BOP1: variants seen among roughly 807,000 people sequenced by gnomAD.
The protein encoded by BOP1 is ribosome biogenesis protein BOP1.
Under a neutral mutation model 82.9 loss-of-function variants are expected in BOP1, and 54 were observed. The observed-to-expected ratio is 0.65, with a 90% CI of 0.52 to 0.82. The LOEUF (loss-of-function observed/expected upper bound fraction) is 0.82. BOP1 is among the 40% of genes least tolerant of loss of function. The pLI is 0.00. For synonymous variants in BOP1, 566 were observed against 451.1 expected (o/e 1.25, Z -3.23); for missense variants, 1,170 against 1,072.0 (o/e 1.09, Z -1.28).
At chr8:144,275,860 G>A (rs56304037) in intron 3 of BOP1, among the ~76,000 whole-genome samples, 81,964 of 131,666 alleles carry the variant, frequency 0.62, 23,324 homozygotes, top group Non-Finnish European at 0.65. Flanking sequence ...CCCCCACCCC[G>A]ACCATGACCC....
rs1416843749 is a variant in BOP1 at position 144,264,879 on chromosome 8, C to T, written c.545+38G>A. The T allele has an allele frequency of 3.1e-6, 5 of 1,605,238 alleles. No individual in the cohort carries two copies. The African/African-American group carries it at 4.0e-5, about 13-fold the overall frequency. On this transcript the variant is annotated intron_variant, in intron 4 of 15. Coordinates refer to ENST00000569669, the MANE Select transcript of BOP1 (RefSeq NM_015201.5). Reference sequence around the variant, plus strand: ...CGCCAGCCCTGCCCCACCCCTCGGGCCCACCCCGGCTGCTGGCCCCACCCC... The same window carrying T: ...CGCCAGCCCTGCCCCACCCCTCGGGTCCACCCCGGCTGCTGGCCCCACCCC...
Position 144,262,840 on chromosome 8 carries a change from C to T in BOP1, c.1894+13G>A. On this transcript the variant is annotated intron_variant, in intron 13 of 15. Transcript: ENST00000569669. ...ACCCCTCACCTGCAGGGTGCACCGC[C>T]CCCACCCCTCACCTGCAGGGTGCAC... The T allele has an allele frequency of 3.9e-6, 4 of 1,032,198 alleles. No individual in the cohort carries two copies. In the South Asian group the frequency reaches 5.9e-5, roughly 15 times the overall value. 63.9% of individuals were successfully genotyped at this position (1,032,198 alleles called of 1,614,324 possible).
chr8:144,269,817 C>G (rs1470098235), intron 3 of BOP1, among the ~76,000 whole-genome samples: 1 of 152,186 alleles, frequency 6.6e-6, no homozygotes, highest in Non-Finnish European at 1.5e-5. Context: ...TTTCCTCACA[C>G]CCCCGCCCCG....
At chr8:144,286,917 G>A (rs1814895028) in intron 2 of BOP1, among the ~76,000 whole-genome samples, 1 of 152,262 alleles carries the variant, frequency 6.6e-6, no homozygotes, top group Non-Finnish European at 1.5e-5. Context: ...CCAGGGGCCA[G>A]GAGACAAGCA....
chr8:144,268,810 C>CTGTA (rs1554837487), intron 3 of BOP1, among the ~76,000 whole-genome samples: 5,425 of 152,182 alleles, frequency 0.036, 93 homozygotes, highest in Middle Eastern at 0.068. Context: ...GACAGGGAGG[C>CTGTA]AGCGGCAGGG....
intron 2 of BOP1, among the ~76,000 whole-genome samples, chr8:144,284,234 A>G (rs4265220): frequency 0.69 from 105,401 of 152,070 alleles, 37,145 homozygotes; most frequent in African/African-American, 0.81. Flanking sequence ...GGAAGTTGAG[A>G]TTTTGGTGAG....
intron 3 of BOP1, among the ~76,000 whole-genome samples, chr8:144,274,959 C>G (rs1018120010): frequency 6.6e-5 from 10 of 152,230 alleles, no homozygotes; most frequent in Admixed American, 2.6e-4. Context: ...GTGGCCCCCC[C>G]GCTCTGAGTG....
chr8:144,267,324 G>T, intron 3 of BOP1: 1 of 1,028,128 alleles, frequency 9.7e-7, no homozygotes. Flanking sequence ...CCTGCCGGGG[G>T]CTGGGGCCTT....
intron 3 of BOP1, among the ~76,000 whole-genome samples, chr8:144,269,849 C>T (rs887553630): frequency 6.6e-6 from 1 of 152,180 alleles, no homozygotes; most frequent in Non-Finnish European, 1.5e-5. Context: ...GGCACCAAGG[C>T]GCTGGTGAGT....
chr8:144,284,350 C>A (rs1183126586), intron 2 of BOP1, among the ~76,000 whole-genome samples: 1 of 152,144 alleles, frequency 6.6e-6, no homozygotes, highest in Non-Finnish European at 1.5e-5. Flanking sequence ...GGAATTTTCC[C>A]CAAGAATGGT....
intron 2 of BOP1, among the ~76,000 whole-genome samples, chr8:144,284,894 C>A (rs1408667512): frequency 6.6e-6 from 1 of 152,218 alleles, no homozygotes; most frequent in Admixed American, 6.5e-5. Flanking sequence ...CTGGGTCCAC[C>A]CAGGCAGGTC....
chr8:144,270,088 T>C (rs758554198), intron 3 of BOP1, among the ~76,000 whole-genome samples: 2,015 of 152,198 alleles, frequency 0.013, 48 homozygotes, highest in African/African-American at 0.043. Flanking sequence ...CCGGTCAACG[T>C]TGGGGACAAA....
In BOP1 at chr8:144,288,855, G is replaced by C. The variant is rs1458793584; in HGVS notation, c.309+240C>G. ...ACCTGTTGCCAGGAGGGTTGCCCGA[G>C]CATCGTCTGACGGGGAAGGGCCTAG... On this transcript the variant is annotated intron_variant, in intron 2 of 15. Coordinates refer to ENST00000569669, the MANE Select transcript of BOP1 (RefSeq NM_015201.5). Among the ~76,000 whole-genome samples, 4 of 152,230 alleles carry C rather than the reference G, an allele frequency of 2.6e-5. No individual in the cohort carries two copies. The East Asian group carries it at 7.7e-4, about 29-fold the overall frequency.
At position 144,264,911 on chromosome 8, in the gene BOP1, C is replaced by T. The variant is rs1564595284; in HGVS notation, c.545+6G>A. On this transcript the variant is annotated splice_donor_region_variant and intron_variant, in intron 4 of 15. Coordinates refer to ENST00000569669, the MANE Select transcript of BOP1 (RefSeq NM_015201.5). ...CGGCTGCTGGCCCCACCCCACCAGC[C>T]CTCACCAGTAGTCAGGATCGTCCAT... The T allele has an allele frequency of 1.9e-6, 3 of 1,611,448 alleles. No individual in the cohort carries two copies. The highest frequency in any genetic ancestry group is 2.2e-5 in the East Asian group (1 of 44,870).
chr8:144,279,814 G>C (rs1845641129), intron 2 of BOP1, among the ~76,000 whole-genome samples: 1 of 152,172 alleles, frequency 6.6e-6, no homozygotes, highest in Non-Finnish European at 1.5e-5. Flanking sequence ...CCACGTCCTT[G>C]CAGCCCTGAG....
Position 144,264,742 on chromosome 8 carries a change from A to G in BOP1, c.635T>C (p.Phe212Ser). ...ATAGGGGTTGAAGCCCACATCCCCA[A>G]ACTGGCCACTCTGCAGCCGCCGCAC... ...ALVRRLQSGQ[F>S]GDVGFNPYEP... The change falls in exon 5 of 16, where the codon TTT becomes TCT. Residue 212 changes from phenylalanine (F) to serine (S), a missense_variant. Coordinates refer to ENST00000569669, the MANE Select transcript of BOP1 (RefSeq NM_015201.5). The G allele has an allele frequency of 6.3e-7, 1 of 1,588,008 alleles. No homozygotes were observed. The highest frequency in any genetic ancestry group is 8.6e-7 in the Non-Finnish European group (1 of 1,168,262).
At position 144,289,212 on chromosome 8, in the gene BOP1, T is replaced by C. The variant is rs1554839819; in HGVS notation, c.192A>G (p.Glu64=). Residue 64 remains glutamate (E), a synonymous_variant, in exon 2 of 16, where the codon GAA becomes GAG. Coordinates refer to ENST00000569669, the MANE Select transcript of BOP1 (RefSeq NM_015201.5). ...DSEESVFSGL[E]DSGSDSSEDD... Reference sequence around the variant, plus strand: ...CCTCACTGCTGTCACTGCCGGAATCTTCCAGGCCTGAGAACACACTTTCCT... The same window carrying C: ...CCTCACTGCTGTCACTGCCGGAATCCTCCAGGCCTGAGAACACACTTTCCT... 1 of 1,614,088 alleles carries C rather than the reference T, an allele frequency of 6.2e-7. No homozygotes were observed. The highest frequency in any genetic ancestry group is 1.7e-5 in the Admixed American group (1 of 60,022).
At chr8:144,284,348 C>A (rs1814805492) in intron 2 of BOP1, among the ~76,000 whole-genome samples, 1 of 152,140 alleles carries the variant, frequency 6.6e-6, no homozygotes, top group Non-Finnish European at 1.5e-5. Flanking sequence ...TTGGAATTTT[C>A]CCCAAGAATG....
intron 3 of BOP1, among the ~76,000 whole-genome samples, 180 bp downstream of exon 3, chr8:144,276,044 C>T (rs1588599184): frequency 1.3e-5 from 2 of 152,320 alleles, no homozygotes; most frequent in East Asian, 1.9e-4. Flanking sequence ...TCCCAGACCC[C>T]GAAATTGCTC....
Sources: allele counts gnomAD v4.1 joint callset (sites outside exome capture counted in the v4.1 genomes callset), GRCh38; gene constraint gnomAD v4.1.1; transcripts MANE v1.5; gene names NCBI Gene and HGNC (gene_info 2026-07-23, HGNC 2026-07-21).